The following NAALADL2 variants were observed in gnomAD, a reference collection of about 807,000 sequenced individuals.
The protein encoded by NAALADL2 is N-acetylated alpha-linked acidic dipeptidase like 2, also known as inactive N-acetylated-alpha-linked acidic dipeptidase-like protein 2.
A neutral mutation model predicts 87.2 loss-of-function variants in NAALADL2; 76 were observed. The observed-to-expected ratio is 0.87, with a 90% confidence interval of 0.72 to 1.05. The LOEUF (loss-of-function observed/expected upper bound fraction) is 1.05, where lower values mean the gene tolerates loss of function less well. Ranked by LOEUF, NAALADL2 falls within the 50% of genes least tolerant of loss-of-function variation. The pLI, the probability that NAALADL2 is intolerant of heterozygous loss-of-function variation, is 0.00. For synonymous variants in NAALADL2, 354 were observed against 331.0 expected (o/e 1.07, Z -0.75); for missense variants, 1,089 against 945.8 (o/e 1.15, Z -1.99).
At chr3:175,165,096 C>T (rs1733789593) in intron 2 of NAALADL2, among the ~76,000 whole-genome samples, 1 of 152,088 alleles carries the variant, frequency 6.6e-6, no homozygotes, top group Admixed American at 6.6e-5. Context: ...TTATATTTGA[C>T]TTCTGATCTA....
intron 1 of NAALADL2, among the ~76,000 whole-genome samples, chr3:175,074,044 A>G (rs1365836099): frequency 1.3e-5 from 2 of 151,938 alleles, no homozygotes; most frequent in Non-Finnish European, 2.9e-5. Flanking sequence ...AGTGAGTTCC[A>G]TAAGGGTGGG....
At chr3:175,785,915 C>T (rs1234823603) in intron 13 of NAALADL2, among the ~76,000 whole-genome samples, 1 of 150,008 alleles carries the variant, frequency 6.7e-6, no homozygotes, top group East Asian at 2.0e-4. Context: ...GACAAAATCT[C>T]TCAGCATTTG....
At chr3:175,248,859 GT>G (rs1180307333) in intron 3 of NAALADL2, among the ~76,000 whole-genome samples, 1 of 152,088 alleles carries the variant, frequency 6.6e-6, no homozygotes, top group East Asian at 1.9e-4. Context: ...AAGCCTAGTT[GT>G]TTTGTTATTG....
chr3:175,644,445 G>T (rs945446988), intron 11 of NAALADL2, among the ~76,000 whole-genome samples: 2 of 151,906 alleles, frequency 1.3e-5, no homozygotes, highest in African/African-American at 4.8e-5. Context: ...GGATAATTGT[G>T]ATGATTTAGT....
chr3:175,398,344 CTTTTTT>C (rs776575751), intron 5 of NAALADL2, among the ~76,000 whole-genome samples: 27 of 112,052 alleles, frequency 2.4e-4, no homozygotes, highest in Middle Eastern at 9.8e-3. Context: ...GCTTCTGCTA[CTTTTTT>C]TTTTTTTTTT....
At chr3:174,709,100 C>G (rs1395095403) in intron 2 of NAALADL2, among the ~76,000 whole-genome samples, 1 of 151,916 alleles carries the variant, frequency 6.6e-6, no homozygotes, top group African/African-American at 2.4e-5. Context: ...TTATTTATTC[C>G]TTTATTTAAA....
chr3:175,181,718 T>TGTGTGTGTGTGTGTGTATGC (rs1553802465), intron 2 of NAALADL2, among the ~76,000 whole-genome samples: 19 of 72,412 alleles, frequency 2.6e-4, no homozygotes, highest in African/African-American at 8.7e-4. Context: ...TGTGTGTGTG[T>TGTGTGTGTGTGTGTGTATGC]ATATATATGT....
intron 1 of NAALADL2, among the ~76,000 whole-genome samples, chr3:175,051,960 GAC>G (rs953964083): frequency 1.2e-4 from 19 of 152,274 alleles, no homozygotes; most frequent in African/African-American, 3.9e-4. Context: ...AGGAATTAAA[GAC>G]ACACACACAG....
intron 5 of NAALADL2, among the ~76,000 whole-genome samples, chr3:175,340,878 A>C (rs753976968): frequency 1.3e-5 from 2 of 152,198 alleles, no homozygotes; most frequent in African/African-American, 2.4e-5. Flanking sequence ...ACAGAGATAC[A>C]TAGTGTTAAC....
chr3:174,600,355 T>C (rs1381508118), intron 2 of NAALADL2, among the ~76,000 whole-genome samples: 1 of 152,098 alleles, frequency 6.6e-6, no homozygotes, highest in East Asian at 1.9e-4. Context: ...TCAAGAATAG[T>C]TGGTCAAATA....
At chr3:174,907,616 A>G (rs2108284843) in intron 1 of NAALADL2, among the ~76,000 whole-genome samples, 1 of 152,254 alleles carries the variant, frequency 6.6e-6, no homozygotes, top group African/African-American at 2.4e-5. Context: ...ATTTCTTACT[A>G]CTAAATAACA....
Position 175,393,882 on chromosome 3 carries a change from C to T in NAALADL2, c.1091-53347C>T, listed in dbSNP as rs191913353. Among the ~76,000 whole-genome samples the T allele has an allele frequency of 5.0e-3, 763 of 152,242 alleles. 23 individuals carry two copies. Among genetic ancestry groups the T allele is most frequent in the East Asian group, 1.2e-3 (6 of 5,184 alleles). On this transcript the variant is annotated intron_variant, in intron 5 of 13. Transcript: ENST00000454872. ...GCTATGTCTTCAACCCAACCAGTCC[C>T]CCTTTTTGGAGATGAATTTAAGCCT...
chr3:175,320,055 C>T (rs1055720104), intron 4 of NAALADL2, among the ~76,000 whole-genome samples: 17 of 152,102 alleles, frequency 1.1e-4, no homozygotes, highest in Admixed American at 5.9e-4. Context: ...AGTCACACAA[C>T]GAGCAGTGAC....
At position 175,409,121 on chromosome 3, in the gene NAALADL2, C is replaced by T. The variant is rs536864588; in HGVS notation, c.1091-38108C>T. 2.0e-5 allele frequency among the ~76,000 whole-genome samples: 3 copies of T among 151,966 alleles called. No homozygotes were observed. The East Asian group carries it at 5.8e-4, about 29-fold the overall frequency. On this transcript the variant is annotated intron_variant, in intron 5 of 13. Coordinates refer to ENST00000454872, the MANE Select transcript of NAALADL2 (RefSeq NM_207015.3). ...TACACATGGAGATTTTTCTTTTCCA[C>T]ATGAACTCTAGGTGTTTCCTTTTCT...
intron 3 of NAALADL2, among the ~76,000 whole-genome samples, chr3:174,848,183 T>A (rs1372287704): frequency 6.6e-6 from 1 of 152,144 alleles, no homozygotes; most frequent in Non-Finnish European, 1.5e-5. Context: ...ATACCAAGGT[T>A]TCCATGTTTT....
chr3:174,814,087 TTTTATTTTTATTTA>T (rs141558597), intron 3 of NAALADL2, among the ~76,000 whole-genome samples: 27,033 of 151,370 alleles, frequency 0.18, 2,704 homozygotes, highest in East Asian at 0.34. Context: ...TAGGTAAATA[TTTTATTTTTATTTA>T]TTTATTTTTA....
At chr3:175,726,680 A>G (rs1043275217) in intron 11 of NAALADL2, among the ~76,000 whole-genome samples, 6 of 151,926 alleles carry the variant, frequency 3.9e-5, no homozygotes, top group Non-Finnish European at 8.8e-5. Context: ...TTCCCATCCT[A>G]CTACCCTCAC....
chr3:175,328,889 A>G (rs1253589023), intron 5 of NAALADL2, among the ~76,000 whole-genome samples: 1 of 152,222 alleles, frequency 6.6e-6, no homozygotes, highest in Non-Finnish European at 1.5e-5. Context: ...ATCTTTAAGT[A>G]GTATTCCATT....
At chr3:175,093,323 A>G (rs1189650849) in intron 1 of NAALADL2, among the ~76,000 whole-genome samples, 2 of 150,910 alleles carry the variant, frequency 1.3e-5, no homozygotes, top group African/African-American at 4.8e-5. Context: ...CTTGATGGGA[A>G]CCATAGAATA....
Sources: allele counts gnomAD v4.1 joint callset (sites outside exome capture counted in the v4.1 genomes callset), GRCh38; gene constraint gnomAD v4.1.1; transcripts MANE v1.5; gene names NCBI Gene and HGNC (gene_info 2026-07-23, HGNC 2026-07-21).